Variants in PRKX observed in about 807,000 individuals in gnomAD.
PRKX encodes the protein protein kinase cAMP-dependent X-linked catalytic subunit, also known as cAMP-dependent protein kinase catalytic subunit PRKX.
Under a neutral mutation model 22.0 loss-of-function variants are expected in PRKX, and 12 were observed. That is an observed-to-expected ratio of 0.54 (90% CI 0.35 to 0.88). The LOEUF is 0.88. Among genes scored for constraint, PRKX ranks in the 40% least tolerant of loss-of-function variants. PRKX has a pLI of 0.01. For synonymous variants in PRKX, 134 were observed against 137.7 expected (o/e 0.97, Z 0.19); for missense variants, 217 against 308.0 (o/e 0.70, Z 2.21).
At chrX:3,694,014 G>A (rs1356851952) in intron 1 of PRKX, among the ~76,000 whole-genome samples, 1 of 108,395 alleles carries the variant, frequency 9.2e-6, no homozygotes, top group Non-Finnish European at 1.9e-5. Context: ...TCCAGATAAG[G>A]CCATCCTGGA....
chrX:3,636,088 A>G (rs1217494683), intron 4 of PRKX, among the ~76,000 whole-genome samples: 6 of 112,616 alleles, frequency 5.3e-5, no homozygotes, highest in Non-Finnish European at 1.1e-4. Flanking sequence ...CTGCATCATG[A>G]TATGATCTCC....
At chrX:3,711,445 C>G (rs1422683333) in intron 1 of PRKX, among the ~76,000 whole-genome samples, 2 of 111,804 alleles carry the variant, frequency 1.8e-5, no homozygotes, top group Non-Finnish European at 3.8e-5. Context: ...CCTGTGACAC[C>G]AGAACCCCTC....
At chrX:3,700,421 A>G (rs143095709) in intron 1 of PRKX, among the ~76,000 whole-genome samples, 260 of 112,549 alleles carry the variant, frequency 2.3e-3, no homozygotes, top group African/African-American at 7.5e-3. Flanking sequence ...TAACCTATTT[A>G]AGGATAAACT....
At chrX:3,691,617 G>A (rs772692306) in intron 1 of PRKX, among the ~76,000 whole-genome samples, 2 of 111,400 alleles carry the variant, frequency 1.8e-5, no homozygotes, top group African/African-American at 6.5e-5. Context: ...ATGATTCTCT[G>A]TGGTGGGGCC....
intron 4 of PRKX, among the ~76,000 whole-genome samples, chrX:3,640,086 G>C (rs1203066508): frequency 2.7e-5 from 3 of 110,589 alleles, no homozygotes; most frequent in Non-Finnish European, 5.7e-5. Flanking sequence ...CAGGGAATCA[G>C]AGAGATGTGA....
intron 1 of PRKX, among the ~76,000 whole-genome samples, chrX:3,689,781 T>G (rs1009252111): frequency 4.5e-5 from 5 of 111,577 alleles, no homozygotes; most frequent in African/African-American, 6.5e-5. Context: ...ATCGAGACCA[T>G]CCTGGCTAAC....
rs1311262842 is a variant in PRKX, at chrX:3,612,259, C to T, written c.1018G>A (p.Asp340Asn). Residue 340 changes from aspartate to asparagine, a missense_variant, in exon 8 of 9, where the codon GAC (aspartate) becomes AAC (asparagine). By Grantham distance (23) the Asp-to-Asn change is conservative. Coordinates refer to ENST00000262848, the MANE Select transcript of PRKX (RefSeq NM_005044.5). ...GGCACGGGCGCGGCTGTGTCCCAGTCATTCTCAGGGTAAGTTTCGAAGTTG... is the reference window on the plus strand; with the variant it reads ...GGCACGGGCGCGGCTGTGTCCCAGTTATTCTCAGGGTAAGTTTCGAAGTTG... ...TSNFETYPEN[D>N]WDTAAPVPQK... is the part of the protein sequence containing the mutation. 1 of 1,211,013 alleles carries T rather than the reference C, an allele frequency of 8.3e-7. No homozygotes were observed. Among genetic ancestry groups the T allele is most frequent in the South Asian group, 1.8e-5 (1 of 56,825 alleles).
At chrX:3,637,897 T>C (rs1052726947) in intron 4 of PRKX, among the ~76,000 whole-genome samples, 8 of 109,196 alleles carry the variant, frequency 7.3e-5, no homozygotes, top group South Asian at 4.0e-4. Context: ...GACTCCCGAG[T>C]AGCTAGGATT....
chrX:3,705,773 A>G (rs1928669361), intron 1 of PRKX, among the ~76,000 whole-genome samples: 1 of 97,336 alleles, frequency 1.0e-5, no homozygotes, highest in African/African-American at 3.9e-5. Context: ...TGCAAGCTCC[A>G]CCTCCCGGGT....
intron 1 of PRKX, among the ~76,000 whole-genome samples, chrX:3,707,049 C>A (rs1377677116): frequency 8.9e-6 from 1 of 111,767 alleles, no homozygotes; most frequent in Non-Finnish European, 1.9e-5. Flanking sequence ...ATTGCTTGAG[C>A]CTGGGAGGTC....
In PRKX at chrX:3,612,343, A is replaced by G. The variant is rs779936306; in HGVS notation, c.952-18T>C. 3.3e-6 allele frequency: 4 copies of G among 1,204,474 alleles called. No individual in the cohort carries two copies. The highest frequency in any genetic ancestry group is 4.5e-6 in the Non-Finnish European group (4 of 891,964). Reference sequence around the variant, plus strand: ...ATGGGAGGCTGTGAGACATGGCCGAAGCACAAAGGCATGGTTAGAAAGGGA... The same window carrying G: ...ATGGGAGGCTGTGAGACATGGCCGAGGCACAAAGGCATGGTTAGAAAGGGA... On this transcript the variant is annotated intron_variant, in intron 7 of 8. Transcript: ENST00000262848.
Position 3,676,868 on chromosome X carries a change from C to G in PRKX, c.167-2102G>C, listed in dbSNP as rs1040171808. 2.7e-5 allele frequency among the ~76,000 whole-genome samples: 3 copies of G among 111,480 alleles called. No individual in the cohort carries two copies. The Admixed American group carries it at 2.9e-4, about 11-fold the overall frequency. ...AGATGTTTTAATAAATGGGAGTTTC[C>G]CTGCTCGGGCTCTCTTCTTGCCTGC... On this transcript the variant is annotated intron_variant, in intron 1 of 8. Transcript: ENST00000262848.
chrX:3,643,204 G>C (rs1261158471), intron 3 of PRKX, among the ~76,000 whole-genome samples: 1 of 100,331 alleles, frequency 1.0e-5, no homozygotes, highest in African/African-American at 3.8e-5. Context: ...TCCTTTAAAG[G>C]TGCCTGCTTT....
At chrX:3,694,648 T>A (rs186233745) in intron 1 of PRKX, among the ~76,000 whole-genome samples, 1 of 111,576 alleles carries the variant, frequency 9.0e-6, no homozygotes, top group Non-Finnish European at 1.9e-5. Context: ...CATCCTCATG[T>A]CCAGAACCTG....
At chrX:3,641,248 T>C (rs1297329758) in intron 4 of PRKX, among the ~76,000 whole-genome samples, 35 of 111,381 alleles carry the variant, frequency 3.1e-4, no homozygotes, top group Non-Finnish European at 5.8e-4. Flanking sequence ...TCGGGACCCC[T>C]TTCCTGTACC....
At chrX:3,689,953 C>G (rs760327646) in intron 1 of PRKX, among the ~76,000 whole-genome samples, 97 of 109,820 alleles carry the variant, frequency 8.8e-4, no homozygotes, top group South Asian at 1.6e-3. Flanking sequence ...CTCCAGCCTG[C>G]GTGACAGAGC....
intron 5 of PRKX, among the ~76,000 whole-genome samples, chrX:3,624,055 T>C (rs1239324106): frequency 1.8e-5 from 2 of 110,761 alleles, no homozygotes; most frequent in African/African-American, 3.3e-5. Flanking sequence ...GGACAGTGAT[T>C]TGGATAAGAA....
intron 8 of PRKX, among the ~76,000 whole-genome samples, chrX:3,610,174 A>C (rs186182648): frequency 1.3e-3 from 148 of 111,984 alleles, no homozygotes; most frequent in African/African-American, 4.7e-3. Flanking sequence ...TAAAATTACT[A>C]AGACGGATTA....
At chrX:3,645,758 C>A (rs1444634143) in intron 3 of PRKX, among the ~76,000 whole-genome samples, 1 of 111,296 alleles carries the variant, frequency 9.0e-6, no homozygotes, top group East Asian at 2.9e-4. Context: ...CATAGCAAGA[C>A]CCTGTCTGTA....
Sources: gnomAD v4.1 joint callset for allele counts (sites outside exome capture counted in the v4.1 genomes callset) on GRCh38, gnomAD v4.1.1 for gene constraint, MANE v1.5 for transcripts, NCBI Gene and HGNC (gene_info 2026-07-23, HGNC 2026-07-21) for gene names.